TENM2: variants seen among roughly 807,000 people sequenced by gnomAD.
TENM2 encodes teneurin transmembrane protein 2.
Under a neutral mutation model 245.2 loss-of-function variants are expected in TENM2, and 52 were observed. The observed-to-expected ratio is 0.21, with a 90% CI of 0.17 to 0.27. The LOEUF (loss-of-function observed/expected upper bound fraction) is 0.27, where lower values mean the gene tolerates loss of function less well. Ranked by LOEUF, TENM2 falls within the 10% of genes least tolerant of loss-of-function variation. The pLI is 1.00. For missense variants in TENM2, 3,046 were observed against 3,666.8 expected, an observed-to-expected ratio of 0.83 and a Z score of 4.37; for synonymous variants, 1,363 against 1,438.9, an observed-to-expected ratio of 0.95 and a Z score of 1.19.
chr5:167,822,010 G>A (rs1353285157), intron 2 of TENM2, among the ~76,000 whole-genome samples: 1 of 151,976 alleles, frequency 6.6e-6, no homozygotes, highest in East Asian at 1.9e-4. Context: ...CAGGGTTTTT[G>A]TTTGTTTGTT....
intron 1 of TENM2, among the ~76,000 whole-genome samples, chr5:167,367,360 A>G (rs1760121495): frequency 6.6e-6 from 1 of 152,204 alleles, no homozygotes; most frequent in Non-Finnish European, 1.5e-5. Context: ...TAATTCTTAA[A>G]GCACACTTCT....
the TENM2 span, among the ~76,000 whole-genome samples, chr5:167,038,728 G>A: frequency 3.3e-5 from 5 of 152,072 alleles, no homozygotes; most frequent in African/African-American, 7.2e-5. Flanking sequence ...GTGTAATTCC[G>A]TTCTTTCAAC....
chr5:167,215,042 A>G, the TENM2 span, among the ~76,000 whole-genome samples: 5 of 152,204 alleles, frequency 3.3e-5, no homozygotes, highest in Non-Finnish European at 7.3e-5. Flanking sequence ...CTTCTAGAAT[A>G]AGATGGAACA....
intron 17 of TENM2, 66 bp downstream of exon 19, chr5:168,200,197 TA>T: frequency 6.8e-7 from 1 of 1,461,554 alleles, no homozygotes; most frequent in Non-Finnish European, 9.3e-7. Flanking sequence ...GACCCATATT[TA>T]TTGAGTTCCG....
chr5:168,004,517 G>GCACACACACACA (rs550787443), intron 5 of TENM2, among the ~76,000 whole-genome samples: 5 of 132,150 alleles, frequency 3.8e-5, no homozygotes, highest in African/African-American at 1.2e-4. Flanking sequence ...GCGCGCGCGC[G>GCACACACACACA]CACACACACA....
chr5:167,356,802 G>A (rs1424140119), intron 1 of TENM2, among the ~76,000 whole-genome samples: 5 of 152,068 alleles, frequency 3.3e-5, no homozygotes, highest in Non-Finnish European at 7.4e-5. Context: ...ACCTTTCATG[G>A]GCCTTAGGCA....
At chr5:167,627,776 C>T (rs1360480366) in intron 2 of TENM2, among the ~76,000 whole-genome samples, 1 of 151,988 alleles carries the variant, frequency 6.6e-6, no homozygotes. Flanking sequence ...AGGCTGGGCT[C>T]GAACTCCTGG....
intron 5 of TENM2, among the ~76,000 whole-genome samples, chr5:167,994,355 C>T (rs996032346): frequency 2.0e-5 from 3 of 152,206 alleles, no homozygotes; most frequent in Non-Finnish European, 2.9e-5. Flanking sequence ...CATAAACCCT[C>T]CCTTCTCGCT....
chr5:167,022,922 T>C, the TENM2 span, among the ~76,000 whole-genome samples: 1 of 152,370 alleles, frequency 6.6e-6, no homozygotes, highest in East Asian at 1.9e-4. Flanking sequence ...AAATAAATGT[T>C]CAAATGTATG....
intron 4 of TENM2, among the ~76,000 whole-genome samples, chr5:167,961,916 G>C (rs903095977): frequency 6.6e-6 from 1 of 152,206 alleles, no homozygotes; most frequent in Admixed American, 6.5e-5. Flanking sequence ...AGATCCACCA[G>C]AGTGTCTGCT....
At chr5:167,791,723 A>G (rs1444807662) in intron 2 of TENM2, among the ~76,000 whole-genome samples, 1 of 151,908 alleles carries the variant, frequency 6.6e-6, no homozygotes, top group East Asian at 1.9e-4. Flanking sequence ...CCTGTCTTGT[A>G]TGACCGACAT....
chr5:168,011,831 G>T (rs1333628979), intron 5 of TENM2, among the ~76,000 whole-genome samples: 1 of 152,158 alleles, frequency 6.6e-6, no homozygotes, highest in Non-Finnish European at 1.5e-5. Context: ...GCTTTAAAAG[G>T]ATAATAAAGT....
intron 27 of TENM2, among the ~76,000 whole-genome samples, chr5:168,252,697 A>G (rs149664322): frequency 0.026 from 3,965 of 150,662 alleles, 187 homozygotes; most frequent in African/African-American, 0.092. Flanking sequence ...TACAAAAAAA[A>G]TTAGCCAGGC....
At chr5:167,955,789 G>A (rs1417975765) in intron 4 of TENM2, among the ~76,000 whole-genome samples, 7 of 152,112 alleles carry the variant, frequency 4.6e-5, no homozygotes. Context: ...GATGTATGGT[G>A]TTATTTCTGG....
intron 12 of TENM2, among the ~76,000 whole-genome samples, chr5:168,155,711 A>G (rs1757093504): frequency 6.6e-6 from 1 of 151,958 alleles, no homozygotes; most frequent in Non-Finnish European, 1.5e-5. Context: ...AGGCAAAGAG[A>G]AATGACCTAC....
chr5:168,192,594 A>G (rs189791416), intron 14 of TENM2, among the ~76,000 whole-genome samples: 34 of 152,328 alleles, frequency 2.2e-4, no homozygotes, highest in Admixed American at 1.5e-3. Context: ...ACTTTAACAT[A>G]TACTATACAC....
At chr5:167,843,994 G>C (rs1003090282) in intron 2 of TENM2, among the ~76,000 whole-genome samples, 1 of 152,168 alleles carries the variant, frequency 6.6e-6, no homozygotes, top group Admixed American at 6.5e-5. Context: ...CACTGGTGAG[G>C]CATCTCTTTT....
chr5:167,193,772 T>C, the TENM2 span, among the ~76,000 whole-genome samples: 1 of 151,994 alleles, frequency 6.6e-6, no homozygotes, highest in African/African-American at 2.4e-5. Flanking sequence ...AGAGTAATGA[T>C]GATAACTACC....
At chr5:167,412,878 C>CAAAAAAAA (rs35434897) in intron 2 of TENM2, among the ~76,000 whole-genome samples, 1 of 137,416 alleles carries the variant, frequency 7.3e-6, no homozygotes, top group Non-Finnish European at 1.6e-5. Flanking sequence ...TCATCGAAAG[C>CAAAAAAAA]AAAAAAAAAA....
Sources: allele counts gnomAD v4.1 joint callset (sites outside exome capture counted in the v4.1 genomes callset), GRCh38; gene constraint gnomAD v4.1.1; transcripts MANE v1.5; gene names NCBI Gene and HGNC (gene_info 2026-07-23, HGNC 2026-07-21).